SEZ6L: variants seen among roughly 807,000 people sequenced by gnomAD.
The protein encoded by SEZ6L is seizure related 6 homolog like.
SEZ6L carries 37 observed loss-of-function variants against 106.2 expected under a neutral mutation model. The ratio of observed to expected loss-of-function variants is 0.35; its 90% CI spans 0.27 to 0.46. The LOEUF (loss-of-function observed/expected upper bound fraction) is 0.46. Ranked by LOEUF, SEZ6L falls within the 20% of genes least tolerant of loss-of-function variation. The probability of loss-of-function intolerance (pLI) is 1.00; values close to 1 mark genes in which losing one functional copy is unlikely to be tolerated. For missense variants in SEZ6L, 1,172 were observed against 1,332.8 expected (o/e 0.88, Z 1.88); for synonymous variants, 541 against 570.4 (o/e 0.95, Z 0.73).
intron 1 of SEZ6L, among the ~76,000 whole-genome samples, chr22:26,244,852 G>T (rs1030006446): frequency 1.3e-5 from 2 of 152,208 alleles, no homozygotes; most frequent in African/African-American, 4.8e-5. Flanking sequence ...AGACTGATGG[G>T]ATTTCAGTGC....
At chr22:26,354,654 G>C (rs2083381917) in intron 12 of SEZ6L, among the ~76,000 whole-genome samples, 1 of 152,182 alleles carries the variant, frequency 6.6e-6, no homozygotes, top group Non-Finnish European at 1.5e-5. Context: ...TTAAAATACT[G>C]AAAGGTGGAG....
intron 1 of SEZ6L, among the ~76,000 whole-genome samples, chr22:26,263,114 A>G (rs2080069827): frequency 1.3e-5 from 2 of 152,090 alleles, no homozygotes; most frequent in South Asian, 2.1e-4. Context: ...CATGCTTCCC[A>G]TGGTCTACCG....
At chr22:26,252,426 A>G (rs1326595616) in intron 1 of SEZ6L, among the ~76,000 whole-genome samples, 1 of 152,212 alleles carries the variant, frequency 6.6e-6, no homozygotes, top group Admixed American at 6.5e-5. Context: ...AGATATTTCA[A>G]CTTTTATTTT....
intron 14 of SEZ6L, among the ~76,000 whole-genome samples, chr22:26,374,359 G>A (rs771670746): frequency 1.3e-5 from 2 of 151,338 alleles, no homozygotes; most frequent in African/African-American, 2.4e-5. Context: ...CTTAGAATCT[G>A]GGGCTATGTA....
rs1569469929 is a variant in SEZ6L, at chr22:26,340,548, A to G, written c.2128A>G (p.Thr710Ala). ...NSGPQKLYSS[T>A]PDLTIQFHSD... ...TGGCCCCCAGAAACTGTACTCCTCCACGCCAGACTTAACCATCCAGTTCCA... is the reference window on the plus strand; with the variant it reads ...TGGCCCCCAGAAACTGTACTCCTCCGCGCCAGACTTAACCATCCAGTTCCA... The change falls in exon 10 of 17, where the codon ACG becomes GCG. Residue 710 changes from threonine to alanine, a missense_variant. Thr to Ala is a moderately conservative substitution (Grantham distance 58). Around this residue, in one of 4 missense-constraint regions of SEZ6L, gnomAD observed 534 missense variants for 691.0 expected, o/e 0.77. Coordinates refer to ENST00000248933, the MANE Select transcript of SEZ6L (RefSeq NM_021115.5). 1.2e-6 allele frequency: 2 copies of G among 1,614,104 alleles called. No homozygotes were observed. The highest frequency in any genetic ancestry group is 1.7e-6 in the Non-Finnish European group (2 of 1,180,014).
At chr22:26,241,104 G>A (rs58720431) in intron 1 of SEZ6L, among the ~76,000 whole-genome samples, 229 of 152,316 alleles carry the variant, frequency 1.5e-3, no homozygotes, top group African/African-American at 5.3e-3. Flanking sequence ...CATGAGATAT[G>A]TTACGTGTTA....
At chr22:26,340,657 AT>A (rs1392753886) in intron 10 of SEZ6L, 25 bp downstream of exon 10, 1 of 1,581,816 alleles carries the variant, frequency 6.3e-7, no homozygotes, top group Non-Finnish European at 8.6e-7. Flanking sequence ...TGGTCAATTT[AT>A]TTTTTCTTTG....
intron 9 of SEZ6L, among the ~76,000 whole-genome samples, chr22:26,321,827 G>A (rs1161272429): frequency 1.3e-5 from 2 of 152,152 alleles, no homozygotes; most frequent in Admixed American, 1.3e-4. Context: ...CATAGTAGGC[G>A]CATGACTTAG....
intron 1 of SEZ6L, among the ~76,000 whole-genome samples, chr22:26,262,057 T>C (rs2080025653): frequency 6.6e-6 from 1 of 152,044 alleles, no homozygotes; most frequent in Non-Finnish European, 1.5e-5. Flanking sequence ...TCAAACCATT[T>C]GGGTTTTCTC....
At chr22:26,177,770 G>A (rs1036843038) in intron 1 of SEZ6L, among the ~76,000 whole-genome samples, 2 of 152,200 alleles carry the variant, frequency 1.3e-5, no homozygotes, top group Non-Finnish European at 2.9e-5. Context: ...TATGATATGG[G>A]AGAGAGGTTG....
chr22:26,296,983 G>A lies in SEZ6L; in HGVS notation c.1065G>A (p.Val355=), dbSNP rs764862756. Residue 355 remains valine (V), a synonymous_variant, in exon 4 of 17, where the codon GTG becomes GTA. Transcript: ENST00000248933. ...LTVLANQTLL[V]EGQVIRSPTN... is the part of the protein sequence containing the mutation. ...TCCTGGCCAACCAGACACTCCTGGTGGAGGGGCAGGTAATCCGAAGCCCCA... is the reference window on the plus strand; with the variant it reads ...TCCTGGCCAACCAGACACTCCTGGTAGAGGGGCAGGTAATCCGAAGCCCCA... 85 of 1,614,000 alleles carry A rather than the reference G, an allele frequency of 5.3e-5. No individual in the cohort carries two copies. Among genetic ancestry groups the A allele is most frequent in the Middle Eastern group, 1.6e-4 (1 of 6,084 alleles).
intron 5 of SEZ6L, among the ~76,000 whole-genome samples, chr22:26,299,399 A>G (rs575598202): frequency 1.3e-5 from 2 of 152,342 alleles, no homozygotes; most frequent in South Asian, 4.2e-4. Flanking sequence ...TGCAACCATC[A>G]CCACTACCTA....
At chr22:26,220,640 T>C (rs1247011792) in intron 1 of SEZ6L, among the ~76,000 whole-genome samples, 9 of 152,164 alleles carry the variant, frequency 5.9e-5, no homozygotes, top group Non-Finnish European at 1.3e-4. Flanking sequence ...ATCCCTATGA[T>C]GTCACTATAT....
intron 12 of SEZ6L, among the ~76,000 whole-genome samples, chr22:26,359,794 C>A (rs1048153684): frequency 1.2e-4 from 18 of 151,974 alleles, no homozygotes; most frequent in African/African-American, 4.1e-4. Context: ...CAGAATGAGA[C>A]CCTGTCTCAA....
intron 1 of SEZ6L, among the ~76,000 whole-genome samples, chr22:26,288,390 G>A (rs2081003684): frequency 1.3e-5 from 2 of 152,148 alleles, no homozygotes. Flanking sequence ...GAATTCTGTG[G>A]AGTTGGGGTT....
chr22:26,304,363 AAGAAAGAAGAAAGAAAGAAAG>A (rs1569454278), intron 5 of SEZ6L, among the ~76,000 whole-genome samples: 8 of 91,018 alleles, frequency 8.8e-5, no homozygotes, highest in Admixed American at 2.3e-4. Context: ...AAAAAAAAAA[AAGAAAGAAGAAAGAAAGAAAG>A]AAAGAAAGAA....
chr22:26,225,706 T>A (rs1264943960), intron 1 of SEZ6L, among the ~76,000 whole-genome samples: 2 of 152,162 alleles, frequency 1.3e-5, no homozygotes, highest in Non-Finnish European at 2.9e-5. Flanking sequence ...TAAGTGGGAC[T>A]CCACGAGAAA....
chr22:26,273,571 G>A (rs753746436), intron 1 of SEZ6L, among the ~76,000 whole-genome samples: 4 of 152,236 alleles, frequency 2.6e-5, no homozygotes, highest in Non-Finnish European at 5.9e-5. Flanking sequence ...CAGACATCAA[G>A]CCCCACAACT....
chr22:26,365,642 C>A, intron 13 of SEZ6L, 76 bp downstream of exon 13: 2 of 1,386,284 alleles, frequency 1.4e-6, no homozygotes, highest in East Asian at 2.4e-5. Flanking sequence ...GAGTTCTGAA[C>A]TTGCTCTAAA....
Sources: gnomAD v4.1 joint callset for allele counts (sites outside exome capture counted in the v4.1 genomes callset) on GRCh38, gnomAD v4.1.1 for gene constraint, gnomAD v4.1.1 regional missense constraint, MANE v1.5 for transcripts, NCBI Gene and HGNC (gene_info 2026-07-23, HGNC 2026-07-21) for gene names.